Variants in TAX1BP1 observed in about 807,000 individuals in gnomAD.
TAX1BP1 encodes Tax1 binding protein 1, also known as tax1-binding protein 1.
In TAX1BP1, 62 loss-of-function variants were observed where a neutral mutation model predicts 97.7. That is an observed-to-expected ratio of 0.63 (90% confidence interval 0.52 to 0.78). The LOEUF is 0.78. Among genes scored for constraint, TAX1BP1 ranks in the 30% least tolerant of loss-of-function variants. TAX1BP1 has a pLI of 0.00. For synonymous variants in TAX1BP1, 340 were observed against 304.2 expected, an observed-to-expected ratio of 1.12 and a Z score of -1.23; for missense variants, 867 against 916.1, an observed-to-expected ratio of 0.95 and a Z score of 0.69.
At chr7:27,784,149 T>C (rs1489205951) in intron 5 of TAX1BP1, among the ~76,000 whole-genome samples, 1 of 152,190 alleles carries the variant, frequency 6.6e-6, no homozygotes, top group Non-Finnish European at 1.5e-5. Flanking sequence ...ATATAATCTT[T>C]CATACTTTTA....
intron 13 of TAX1BP1, among the ~76,000 whole-genome samples, chr7:27,815,889 C>G (rs1335153979): frequency 2.0e-5 from 3 of 151,970 alleles, no homozygotes; most frequent in Non-Finnish European, 4.4e-5. Flanking sequence ...CAAAAATTAG[C>G]CAGGTGTGGT....
intron 2 of TAX1BP1, 58 bp downstream of exon 2, chr7:27,748,744 CA>C: frequency 7.5e-7 from 1 of 1,328,490 alleles, no homozygotes; most frequent in Non-Finnish European, 1.0e-6. Flanking sequence ...TCTTTTAAAA[CA>C]GATTGATAAG....
chr7:27,769,947 C>T, intron 5 of TAX1BP1, 113 bp downstream of exon 5: 2 of 975,606 alleles, frequency 2.1e-6, no homozygotes, highest in Non-Finnish European at 3.1e-6. Context: ...AGAAAAGTAG[C>T]CTTTTAGATA....
rs12530847 is a variant in TAX1BP1, at chr7:27,791,382, C to T, written c.1039-624C>T. Among the ~76,000 whole-genome samples the T allele has an allele frequency of 6.2e-3, 944 of 152,138 alleles. 38 individuals carry two copies. Among genetic ancestry groups the T allele is most frequent in the Admixed American group, 0.058 (883 of 15,280 alleles). ...ACATTAATATTAAAGGAAATAATTT[C>T]ACCATGGCAATTTTAGCTTTTTAAA... On this transcript the variant is annotated intron_variant, in intron 8 of 16. Coordinates refer to ENST00000396319, the MANE Select transcript of TAX1BP1 (RefSeq NM_006024.7).
At chr7:27,801,242 A>ATTTTTT (rs33986454) in intron 13 of TAX1BP1, among the ~76,000 whole-genome samples, 1 of 145,914 alleles carries the variant, frequency 6.9e-6, no homozygotes. Context: ...TATAATTTAC[A>ATTTTTT]TTTTTTTTTT....
chr7:27,756,796 A>C (rs1788236044), intron 2 of TAX1BP1, among the ~76,000 whole-genome samples: 1 of 152,118 alleles, frequency 6.6e-6, no homozygotes, highest in Admixed American at 6.6e-5. Flanking sequence ...AGGTGAGGTA[A>C]ATGACTTGTT....
intron 13 of TAX1BP1, among the ~76,000 whole-genome samples, chr7:27,815,016 C>G (rs1399895951): frequency 6.6e-6 from 1 of 152,096 alleles, no homozygotes; most frequent in Non-Finnish European, 1.5e-5. Flanking sequence ...GGATTACAGG[C>G]GTGAGCCACT....
Position 27,816,310 on chromosome 7 carries a change from A to G in TAX1BP1, c.1765-39A>G, listed in dbSNP as rs373575599. On this transcript the variant is annotated intron_variant, in intron 13 of 16. Coordinates refer to ENST00000396319, the MANE Select transcript of TAX1BP1 (RefSeq NM_006024.7). Reference sequence around the variant, plus strand: ...TACTGCTGTATTTATGAAATATTTTATTGCTTTGCTTATTCATCTTTGTTT... The same window carrying G: ...TACTGCTGTATTTATGAAATATTTTGTTGCTTTGCTTATTCATCTTTGTTT... The G allele has an allele frequency of 7.6e-6, 11 of 1,449,636 alleles. 1 individual carries two copies. The South Asian group carries it at 8.1e-5, about 11-fold the overall frequency. 89.8% of individuals were successfully genotyped at this position (1,449,636 alleles called of 1,614,324 possible).
intron 15 of TAX1BP1, among the ~76,000 whole-genome samples, chr7:27,823,037 CTT>C (rs1375646639): frequency 3.9e-5 from 6 of 152,020 alleles, no homozygotes; most frequent in East Asian, 3.8e-4. Flanking sequence ...CAAAGTAAAA[CTT>C]TTGAAAACTA....
At chr7:27,749,724 G>A (rs1407113674) in intron 2 of TAX1BP1, among the ~76,000 whole-genome samples, 1 of 152,068 alleles carries the variant, frequency 6.6e-6, no homozygotes, top group African/African-American at 2.4e-5. Context: ...AGTTTTTTAG[G>A]CTTGTCAAAT....
chr7:27,754,175 C>T (rs1254976531), intron 2 of TAX1BP1, among the ~76,000 whole-genome samples: 1 of 152,062 alleles, frequency 6.6e-6, no homozygotes, highest in Admixed American at 6.6e-5. Flanking sequence ...AACTAAGTTG[C>T]CTGATTAGAA....
intron 13 of TAX1BP1, among the ~76,000 whole-genome samples, chr7:27,800,886 C>T (rs1294683593): frequency 7.9e-5 from 12 of 151,884 alleles, no homozygotes; most frequent in African/African-American, 2.9e-4. Flanking sequence ...GGGCGGATCA[C>T]GAGGTCAGGA....
chr7:27,803,886 T>C (rs747087725), intron 13 of TAX1BP1, among the ~76,000 whole-genome samples: 20 of 152,344 alleles, frequency 1.3e-4, no homozygotes, highest in Non-Finnish European at 2.8e-4. Flanking sequence ...TGAGCTAGTC[T>C]CTTTTTTCAT....
At chr7:27,815,340 T>G (rs1790724050) in intron 13 of TAX1BP1, among the ~76,000 whole-genome samples, 1 of 152,170 alleles carries the variant, frequency 6.6e-6, no homozygotes, top group African/African-American at 2.4e-5. Context: ...AAAAAAATCA[T>G]GAATGACTTG....
At position 27,824,862 on chromosome 7, in the gene TAX1BP1, C is replaced by T. The variant is rs139815347; in HGVS notation, c.2086-2876C>T. On this transcript the variant is annotated intron_variant, in intron 15 of 16. Transcript: ENST00000396319. ...GTATTTCTTAAAATTTGGAACTGTT[C>T]ATAAATATATTTCAGTACGGTATTC... Among the ~76,000 whole-genome samples, 397 of 151,926 alleles carry T rather than the reference C, an allele frequency of 2.6e-3. 1 individual carries two copies. Among genetic ancestry groups the T allele is most frequent in the African/African-American group, 9.1e-3 (377 of 41,302 alleles).
At chr7:27,791,984 TA>T in intron 8 of TAX1BP1, 21 bp from the exon 9 acceptor site, 1 of 1,606,450 alleles carries the variant, frequency 6.2e-7, no homozygotes, top group Non-Finnish European at 8.5e-7. Context: ...GAATTACAAA[TA>T]TATTTATCTG....
chr7:27,792,560 T>C (rs1396277831), intron 9 of TAX1BP1, among the ~76,000 whole-genome samples: 1 of 152,206 alleles, frequency 6.6e-6, no homozygotes, highest in Non-Finnish European at 1.5e-5. Context: ...ATAATTGCTC[T>C]TCAGGAGGTG....
At chr7:27,792,922 A>G (rs1405710104) in intron 9 of TAX1BP1, 144 bp from the exon 10 acceptor site, 1 of 662,550 alleles carries the variant, frequency 1.5e-6, no homozygotes, top group African/African-American at 1.9e-5. Context: ...TAATTGGGCC[A>G]CTGTGTTTCA....
At chr7:27,759,456 G>A (rs955145321) in intron 3 of TAX1BP1, among the ~76,000 whole-genome samples, 1 of 152,138 alleles carries the variant, frequency 6.6e-6, no homozygotes, top group African/African-American at 2.4e-5. Flanking sequence ...TTAGTTAGAT[G>A]TTAGTAAAAA....
Sources: gnomAD v4.1 joint callset for allele counts (sites outside exome capture counted in the v4.1 genomes callset) on GRCh38, gnomAD v4.1.1 for gene constraint, MANE v1.5 for transcripts, NCBI Gene and HGNC (gene_info 2026-07-23, HGNC 2026-07-21) for gene names.